UBASH3B: variants seen among roughly 807,000 people sequenced by gnomAD.
The protein encoded by UBASH3B is ubiquitin associated and SH3 domain containing B.
Under a neutral mutation model 83.4 loss-of-function variants are expected in UBASH3B, and 37 were observed. The ratio of observed to expected loss-of-function variants is 0.44; its 90% CI spans 0.34 to 0.58. UBASH3B has a LOEUF of 0.58. Ranked by LOEUF, UBASH3B falls within the 20% of genes least tolerant of loss-of-function variation. UBASH3B has a pLI of 0.01. For synonymous variants in UBASH3B, 304 were observed against 318.3 expected (o/e 0.96, Z 0.48); for missense variants, 657 against 827.2 (o/e 0.79, Z 2.52).
At chr11:122,789,613 CTT>C (rs2135162156) in intron 6 of UBASH3B, among the ~76,000 whole-genome samples, 1 of 152,178 alleles carries the variant, frequency 6.6e-6, no homozygotes, top group East Asian at 1.9e-4. Flanking sequence ...GTCTTCACTG[CTT>C]TAGGGCTTCT....
intron 6 of UBASH3B, among the ~76,000 whole-genome samples, chr11:122,794,237 G>A (rs989148606): frequency 1.3e-5 from 2 of 151,836 alleles, no homozygotes; most frequent in African/African-American, 2.4e-5. Context: ...ACGGGGTTTC[G>A]CCGTATCGCC....
rs989309925 is a variant in UBASH3B at position 122,747,315 on chromosome 11, A to T, written c.162-28904A>T. 1.1e-4 allele frequency among the ~76,000 whole-genome samples: 16 copies of T among 152,352 alleles called. No individual in the cohort carries two copies. The East Asian group carries it at 1.2e-3, about 11-fold the overall frequency. On this transcript the variant is annotated intron_variant, in intron 1 of 13. Transcript: ENST00000284273. ...TAGCAAGAGCTTATGCACTGAGAAC[A>T]GAATGAGTTAATAGACCCAGAACCA...
intron 1 of UBASH3B, among the ~76,000 whole-genome samples, chr11:122,686,694 T>A (rs932397258): frequency 2.0e-5 from 3 of 152,068 alleles, no homozygotes; most frequent in Admixed American, 2.0e-4. Flanking sequence ...TGTCTCTTCT[T>A]CCTACCCTAC....
intron 1 of UBASH3B, among the ~76,000 whole-genome samples, chr11:122,765,470 G>A (rs560662783): frequency 6.6e-6 from 1 of 152,254 alleles, no homozygotes; most frequent in African/African-American, 2.4e-5. Flanking sequence ...AAGGATTCCA[G>A]CTCATCCAAG....
rs57203901 is a variant in UBASH3B, at chr11:122,690,167, CATATATATATATATATATAT to C, written c.161+33980_161+33999del. 3.7e-4 allele frequency among the ~76,000 whole-genome samples: 16 copies of C among 43,562 alleles called. 1 individual carries two copies. Among genetic ancestry groups the C allele is most frequent in the Admixed American group, 4.1e-4 (1 of 2,414 alleles). The allele number at this position is 43,562 out of a possible 152,430, so 28.6% of individuals were successfully genotyped here. The stretch of plus-strand genomic sequence containing the variant: ...GAGGCCTGCTCCCGAGGCAGGAAAA[CATATATATATATATATATAT>C]ATATATATATATATATATATATCCA... On this transcript the variant is annotated intron_variant, in intron 1 of 13. Transcript: ENST00000284273.
chr11:122,779,047 A>G (rs1860797248), intron 3 of UBASH3B, among the ~76,000 whole-genome samples: 2 of 152,232 alleles, frequency 1.3e-5, no homozygotes, highest in African/African-American at 4.8e-5. Flanking sequence ...TTGTGGTGAG[A>G]ACACTTAAAC....
At position 122,759,916 on chromosome 11, in the gene UBASH3B, T is replaced by C. The variant is rs950891648; in HGVS notation, c.162-16303T>C. On this transcript the variant is annotated intron_variant, in intron 1 of 13. Coordinates refer to ENST00000284273, the MANE Select transcript of UBASH3B (RefSeq NM_032873.5). The surrounding 1 kb of genome is among the most constrained non-coding windows in gnomAD (Gnocchi z 4.1). ...ACAAGTGATTCCATCACCTTTGCCA[T>C]ATAGAGGTAAGTCATAGGTCTCACC... 6.6e-6 allele frequency among the ~76,000 whole-genome samples: 1 copy of C among 152,146 alleles called. No individual in the cohort carries two copies. The highest frequency in any genetic ancestry group is 3.2e-3 in the Middle Eastern group (1 of 316).
chr11:122,771,837 C>A (rs575802703), intron 1 of UBASH3B, among the ~76,000 whole-genome samples: 5 of 151,802 alleles, frequency 3.3e-5, no homozygotes, highest in Non-Finnish European at 7.4e-5. Flanking sequence ...CAGCTACTTA[C>A]TAATGGGATG....
At chr11:122,700,887 C>T (rs1240795855) in intron 1 of UBASH3B, among the ~76,000 whole-genome samples, 2 of 152,136 alleles carry the variant, frequency 1.3e-5, no homozygotes, top group Non-Finnish European at 2.9e-5. Context: ...GTAGGGTGAA[C>T]AGTAAACTGT....
intron 1 of UBASH3B, among the ~76,000 whole-genome samples, chr11:122,760,552 G>A (rs1861354099): frequency 1.3e-5 from 2 of 151,998 alleles, no homozygotes; most frequent in Admixed American, 6.6e-5. Context: ...TAGTAGAGAC[G>A]GGGTTTCACC....
intron 1 of UBASH3B, among the ~76,000 whole-genome samples, chr11:122,678,910 A>G (rs1365778354): frequency 6.6e-6 from 1 of 152,200 alleles, no homozygotes; most frequent in Non-Finnish European, 1.5e-5. Context: ...CATCCCAAAT[A>G]ACACTCATTA....
At chr11:122,740,190 A>C (rs1049151146) in intron 1 of UBASH3B, among the ~76,000 whole-genome samples, 1 of 152,220 alleles carries the variant, frequency 6.6e-6, no homozygotes, top group Non-Finnish European at 1.5e-5. Context: ...GCAAGATCTA[A>C]AGACATAATT....
chr11:122,809,572 C>T (rs1861402743), intron 13 of UBASH3B, among the ~76,000 whole-genome samples, 177 bp from the exon 14 acceptor site: 2 of 152,156 alleles, frequency 1.3e-5, no homozygotes, highest in Admixed American at 6.5e-5. Context: ...TCTAAGTTAC[C>T]AGTTTTACCC....
intron 1 of UBASH3B, among the ~76,000 whole-genome samples, chr11:122,756,588 C>G (rs1240752052): frequency 6.6e-6 from 1 of 152,150 alleles, no homozygotes; most frequent in Non-Finnish European, 1.5e-5. Context: ...GGCTGTGGTG[C>G]CCCAGTGTGG....
At chr11:122,657,508 C>G (rs956153518) in intron 1 of UBASH3B, among the ~76,000 whole-genome samples, 5 of 152,040 alleles carry the variant, frequency 3.3e-5, no homozygotes, top group East Asian at 1.9e-4. Context: ...AGGCTGGTCT[C>G]GAACTCCTGA....
At chr11:122,752,770 G>C (rs914838642) in intron 1 of UBASH3B, among the ~76,000 whole-genome samples, 1 of 152,180 alleles carries the variant, frequency 6.6e-6, no homozygotes, top group Non-Finnish European at 1.5e-5. Context: ...TTATGACAGT[G>C]GGACTCGAAA....
chr11:122,690,167 C>CATATATAT (rs57203901), intron 1 of UBASH3B, among the ~76,000 whole-genome samples: 630 of 43,394 alleles, frequency 0.015, 20 homozygotes, highest in Middle Eastern at 0.024. Context: ...GGCAGGAAAA[C>CATATATAT]ATATATATAT....
At chr11:122,729,819 A>AAAG (rs1860809272) in intron 1 of UBASH3B, among the ~76,000 whole-genome samples, 1 of 135,274 alleles carries the variant, frequency 7.4e-6, no homozygotes, top group Non-Finnish European at 1.6e-5. Context: ...AAAAAAAAAA[A>AAAG]CCCTAAAAAG....
At chr11:122,672,166 AT>A (rs1450986578) in intron 1 of UBASH3B, among the ~76,000 whole-genome samples, 1 of 151,988 alleles carries the variant, frequency 6.6e-6, no homozygotes, top group Non-Finnish European at 1.5e-5. Flanking sequence ...AGGTACAATC[AT>A]GAATAAGACC....
Sources: allele counts gnomAD v4.1 joint callset (sites outside exome capture counted in the v4.1 genomes callset), GRCh38; gene constraint gnomAD v4.1.1; non-coding constraint Gnocchi (gnomAD v3.1); transcripts MANE v1.5; gene names NCBI Gene and HGNC (gene_info 2026-07-23, HGNC 2026-07-21).